KCNQ1OT1: variants seen among roughly 807,000 people sequenced by gnomAD.
The protein encoded by KCNQ1OT1 is KCNQ1 opposite strand/antisense transcript 1.
chr11:2,623,912 A>G lies in KCNQ1OT1; in HGVS notation n.76083T>C, dbSNP rs1398422983. On this transcript the variant is annotated non_coding_transcript_exon_variant, in exon 1 of 1. Coordinates refer to ENST00000597346, the Ensembl canonical transcript of KCNQ1OT1. This position sits in a 1 kb window ranked among gnomAD's most constrained non-coding sequence, Gnocchi z 5.2. ...TTCAGAAGTGGAATTGATGGATCCTATGATAATTCCATTTTTAATTCTTTG... is the reference window on the plus strand; with the variant it reads ...TTCAGAAGTGGAATTGATGGATCCTGTGATAATTCCATTTTTAATTCTTTG... 3 of 398,582 alleles carry G rather than the reference A, an allele frequency of 7.5e-6. No homozygotes were observed. The highest frequency in any genetic ancestry group is 7.1e-5 in the East Asian group (2 of 28,062). 24.7% of individuals were successfully genotyped at this position (398,582 alleles called of 1,614,324 possible).
At chr11:2,644,089 A>G (rs959692627) in exon 1 of KCNQ1OT1, 22 of 398,370 alleles carry the variant, frequency 5.5e-5, no homozygotes, top group Admixed American at 8.8e-5. Flanking sequence ...ACCTTTCTGA[A>G]TTGTATCTAT....
exon 1 of KCNQ1OT1, chr11:2,639,073 T>C (rs1189281980): frequency 6.6e-6 from 1 of 152,206 alleles, no homozygotes; most frequent in Admixed American, 6.5e-5. Flanking sequence ...ATCATGTCAT[T>C]TAAGGACTTC....
Position 2,674,532 on chromosome 11 carries a change from G to T in KCNQ1OT1, n.25463C>A. ...TAGATGGCACTTGCAAAGCCCATTCGGAGGATTTAGACAAATACCTCGAGT... is the reference window on the plus strand; with the variant it reads ...TAGATGGCACTTGCAAAGCCCATTCTGAGGATTTAGACAAATACCTCGAGT... On this transcript the variant is annotated non_coding_transcript_exon_variant, in exon 1 of 1. Transcript: ENST00000597346. The surrounding 1 kb of genome is among the most constrained non-coding windows in gnomAD (Gnocchi z 5.9). The T allele has an allele frequency of 2.5e-6, 1 of 398,584 alleles. No individual in the cohort carries two copies. Among genetic ancestry groups the T allele is most frequent in the Non-Finnish European group, 4.4e-6 (1 of 226,056 alleles). The allele number at this position is 398,584 out of a possible 1,614,324, so 24.7% of individuals were successfully genotyped here. A position where few individuals can be genotyped will look rare whatever the true frequency, so the allele number is the denominator to read the frequency against.
exon 1 of KCNQ1OT1, chr11:2,693,786 C>T (rs986112012): frequency 7.8e-5 from 31 of 398,688 alleles, no homozygotes; most frequent in African/African-American, 6.0e-4. Context: ...CCGGCCAGTT[C>T]AGAGGAGCAT....
exon 1 of KCNQ1OT1, chr11:2,646,829 TTTG>T: frequency 7.5e-6 from 3 of 398,654 alleles, no homozygotes; most frequent in Non-Finnish European, 1.3e-5. Flanking sequence ...CTAATTTTTG[TTTG>T]TTGATTTTTT....
exon 1 of KCNQ1OT1, chr11:2,672,490 C>T (rs928511616): frequency 2.8e-5 from 11 of 398,574 alleles, no homozygotes; most frequent in Non-Finnish European, 4.9e-5. Flanking sequence ...CATTCCATGG[C>T]AGTGCCTAGG....
At position 2,658,579 on chromosome 11, in the gene KCNQ1OT1, CCCT is replaced by C. The variant is rs35237966; in HGVS notation, n.41413_41415del. 251,064 of 397,670 alleles carry C rather than the reference CCCT, an allele frequency of 0.63. 80,610 individuals are homozygous for C. Among genetic ancestry groups the C allele is most frequent in the East Asian group, 0.86 (23,981 of 28,020 alleles). The allele number at this position is 397,670 out of a possible 1,614,324, so 24.6% of individuals were successfully genotyped here. On this transcript the variant is annotated non_coding_transcript_exon_variant, in exon 1 of 1. Coordinates refer to ENST00000597346, the Ensembl canonical transcript of KCNQ1OT1. This position sits in a 1 kb window ranked among gnomAD's most constrained non-coding sequence, Gnocchi z 4.9. ...TAGAATCATCCATTCATCCAGAGAGCCCTGGCTCCCTGGAGAATGAATAGAAAA... is the reference window on the plus strand; with the variant it reads ...TAGAATCATCCATTCATCCAGAGAGCGGCTCCCTGGAGAATGAATAGAAAA...
exon 1 of KCNQ1OT1, chr11:2,616,775 A>G (rs545238033): frequency 7.7e-4 from 305 of 398,158 alleles, no homozygotes; most frequent in African/African-American, 5.8e-3. Flanking sequence ...CTATATTTTA[A>G]AATTTATTGA....
Position 2,659,543 on chromosome 11 carries a change from T to C in KCNQ1OT1, n.40452A>G, listed in dbSNP as rs1218277950. On this transcript the variant is annotated non_coding_transcript_exon_variant, in exon 1 of 1. Transcript: ENST00000597346. This position sits in a 1 kb window ranked among gnomAD's most constrained non-coding sequence, Gnocchi z 4.3. ...CTTCATTGTTTCCAGTATTTGGTAA[T>C]TATGAGCAGAGTTACTATACACATT... 2.5e-6 allele frequency: 1 copy of C among 398,470 alleles called. No individual in the cohort carries two copies. The highest frequency in any genetic ancestry group is 2.1e-5 in the African/African-American group (1 of 48,654). 24.7% of individuals were successfully genotyped at this position (398,470 alleles called of 1,614,324 possible). A position where few individuals can be genotyped will look rare whatever the true frequency, so the allele number is the denominator to read the frequency against.
rs1850316409 is a variant in KCNQ1OT1 at position 2,677,620 on chromosome 11, C to T, written n.22375G>A. The T allele has an allele frequency of 5.0e-6, 2 of 398,468 alleles. No individual in the cohort carries two copies. The highest frequency in any genetic ancestry group is 3.6e-5 in the East Asian group (1 of 28,074). The allele number at this position is 398,468 out of a possible 1,614,324, so 24.7% of individuals were successfully genotyped here. A position where few individuals can be genotyped will look rare whatever the true frequency, so the allele number is the denominator to read the frequency against. ...CCTCTGGATTTGTTTTTTTCTAAAA[C>T]GTGTACATAATTGTAACTCTAACAA... On this transcript the variant is annotated non_coding_transcript_exon_variant, in exon 1 of 1. Transcript: ENST00000597346. This position sits in a 1 kb window ranked among gnomAD's most constrained non-coding sequence, Gnocchi z 4.5.
exon 1 of KCNQ1OT1, chr11:2,699,351 G>A (rs1850732549): frequency 5.0e-6 from 2 of 399,160 alleles, no homozygotes; most frequent in African/African-American, 4.1e-5. Flanking sequence ...GTGATCACCC[G>A]TCCCGCGCCG....
chr11:2,653,521 G>A lies in KCNQ1OT1; in HGVS notation n.46474C>T. 2.5e-6 allele frequency: 1 copy of A among 398,680 alleles called. No individual in the cohort carries two copies. 24.7% of individuals were successfully genotyped at this position (398,680 alleles called of 1,614,324 possible). On this transcript the variant is annotated non_coding_transcript_exon_variant, in exon 1 of 1. Coordinates refer to ENST00000597346, the Ensembl canonical transcript of KCNQ1OT1. This position sits in a 1 kb window ranked among gnomAD's most constrained non-coding sequence, Gnocchi z 5.3. Reference sequence around the variant, plus strand: ...AGAGCTGAGATGATCTTGCTCACTTGCTCTCACTCTCCCCTCTTGCACTCC... The same window carrying A: ...AGAGCTGAGATGATCTTGCTCACTTACTCTCACTCTCCCCTCTTGCACTCC...
exon 1 of KCNQ1OT1, chr11:2,686,021 C>G (rs1850483547): frequency 2.5e-6 from 1 of 399,156 alleles, no homozygotes; most frequent in Non-Finnish European, 4.4e-6. Flanking sequence ...GGGGCTCACT[C>G]TAAGCCCCGC....
exon 1 of KCNQ1OT1, chr11:2,636,826 T>TG (rs1849476038): frequency 1.3e-5 from 2 of 152,214 alleles, no homozygotes; most frequent in Admixed American, 1.3e-4. Flanking sequence ...GGACTTTTTT[T>TG]GGTTGGTAGA....
chr11:2,614,978 TG>T (rs1849037930), exon 1 of KCNQ1OT1: 1 of 398,354 alleles, frequency 2.5e-6, no homozygotes, highest in Admixed American at 4.4e-5. Context: ...TGTAGATCAC[TG>T]GGTAATATCG....
chr11:2,644,772 G>T, exon 1 of KCNQ1OT1: 1 of 398,640 alleles, frequency 2.5e-6, no homozygotes, highest in Non-Finnish European at 4.4e-6. Context: ...GATTCTGGGT[G>T]CCTGCAGTAG....
chr11:2,629,337 C>T, exon 1 of KCNQ1OT1: 1 of 398,322 alleles, frequency 2.5e-6, no homozygotes, highest in East Asian at 3.6e-5. Context: ...AAATGTTATG[C>T]AGTCCAATTT....
chr11:2,640,909 T>C (rs985226621), exon 1 of KCNQ1OT1: 2 of 399,454 alleles, frequency 5.0e-6, no homozygotes, highest in Non-Finnish European at 8.8e-6. Flanking sequence ...CTCCCACATA[T>C]GATAATAACA....
At chr11:2,614,235 G>C in exon 1 of KCNQ1OT1, 1 of 398,512 alleles carries the variant, frequency 2.5e-6, no homozygotes, top group Non-Finnish European at 4.4e-6. Flanking sequence ...CTCCACTATA[G>C]CTGCTGCTCT....
Sources: gnomAD v4.1 joint callset for allele counts on GRCh38, gnomAD v4.1.1 for gene constraint, Gnocchi (gnomAD v3.1) non-coding constraint, MANE v1.5 for transcripts, NCBI Gene and HGNC (gene_info 2026-07-23, HGNC 2026-07-21) for gene names.